Variants in CHST3 observed in about 807,000 individuals in gnomAD.
CHST3 encodes carbohydrate sulfotransferase 3.
Under a neutral mutation model 35.4 loss-of-function variants are expected in CHST3, and 20 were observed. The ratio of observed to expected loss-of-function variants is 0.57; its 90% CI spans 0.40 to 0.82. The LOEUF (loss-of-function observed/expected upper bound fraction) is 0.82, where lower values mean the gene tolerates loss of function less well. Ranked by LOEUF, CHST3 falls within the 40% of genes least tolerant of loss-of-function variation. The pLI, the probability that CHST3 is intolerant of heterozygous loss-of-function variation, is 0.00. For missense variants in CHST3, 693 were observed against 670.1 expected (o/e 1.03, Z -0.38); for synonymous variants, 334 against 295.9 (o/e 1.13, Z -1.32).
At chr10:71,964,717 G>T (rs1234692887) in intron 1 of CHST3, 23 bp downstream of exon 1, 2 of 152,082 alleles carry the variant, frequency 1.3e-5, no homozygotes, top group African/African-American at 4.8e-5. Context: ...CCGGCGTCCT[G>T]GAACCGCCGC....
At chr10:71,978,297 C>T (rs1288829490) in intron 1 of CHST3, among the ~76,000 whole-genome samples, 3 of 148,612 alleles carry the variant, frequency 2.0e-5, no homozygotes, top group Non-Finnish European at 4.5e-5. Flanking sequence ...ACCAGGGAGA[C>T]GGAGGTTGCG....
At chr10:71,969,160 C>T (rs1466516737) in intron 1 of CHST3, among the ~76,000 whole-genome samples, 3 of 152,150 alleles carry the variant, frequency 2.0e-5, no homozygotes, top group Non-Finnish European at 4.4e-5. Flanking sequence ...TGGGGCAGAG[C>T]CGGAGCAGCC....
At chr10:71,978,446 G>A (rs1056789088) in intron 1 of CHST3, among the ~76,000 whole-genome samples, 7 of 151,314 alleles carry the variant, frequency 4.6e-5, no homozygotes, top group African/African-American at 7.3e-5. Context: ...TCCTAACCCC[G>A]TGCTGCCAGG....
At chr10:71,982,337 C>T (rs933850730) in intron 1 of CHST3, among the ~76,000 whole-genome samples, 2 of 152,202 alleles carry the variant, frequency 1.3e-5, no homozygotes, top group Non-Finnish European at 2.9e-5. Flanking sequence ...CAGATAGCCT[C>T]CAGAAGCTGG....
At position 72,012,686 on chromosome 10, in the gene CHST3, C is replaced by T. The variant is rs1013619613; in HGVS notation, c.*4215C>T. ...CACAAGCCAAGTGTGTCTTATTGAT[C>T]TGTACAAGCTGATAGAAGGACCATC... On this transcript the variant is annotated 3_prime_UTR_variant, in exon 3 of 3. Transcript: ENST00000373115. 2.0e-5 allele frequency: 3 copies of T among 152,210 alleles called. No homozygotes were observed. The highest frequency in any genetic ancestry group is 2.0e-4 in the Admixed American group (3 of 15,274). The allele number at this position is 152,210 out of a possible 1,614,324, so 9.4% of individuals were successfully genotyped here. A position where few individuals can be genotyped will look rare whatever the true frequency, so the allele number is the denominator to read the frequency against.
intron 1 of CHST3, among the ~76,000 whole-genome samples, chr10:71,993,423 C>T (rs938109700): frequency 6.6e-6 from 1 of 152,160 alleles, no homozygotes; most frequent in African/African-American, 2.4e-5. Context: ...AGTCTTAAAC[C>T]CCTCAAAATC....
At chr10:71,987,714 C>CAAAAAAAAA (rs386371790) in intron 1 of CHST3, among the ~76,000 whole-genome samples, 2 of 88,902 alleles carry the variant, frequency 2.2e-5, no homozygotes, top group South Asian at 4.7e-4. Flanking sequence ...GAGACTGTCT[C>CAAAAAAAAA]AAAAAAAAAA....
chr10:71,996,244 A>G (rs1012589890), intron 1 of CHST3, among the ~76,000 whole-genome samples: 3 of 152,186 alleles, frequency 2.0e-5, no homozygotes, highest in South Asian at 4.1e-4. Flanking sequence ...TATTTCACCT[A>G]TGAGAAAACT....
intron 1 of CHST3, among the ~76,000 whole-genome samples, chr10:71,993,504 CA>C (rs1480930742): frequency 8.5e-5 from 13 of 152,210 alleles, no homozygotes; most frequent in Non-Finnish European, 1.2e-4. Context: ...CCACTTCTTC[CA>C]CATTCCTATT....
chr10:71,975,137 A>G (rs1839733031), intron 1 of CHST3, among the ~76,000 whole-genome samples: 2 of 152,234 alleles, frequency 1.3e-5, no homozygotes, highest in South Asian at 4.1e-4. Flanking sequence ...GAGGAGATTC[A>G]GACTGACGGG....
chr10:71,972,222 T>C (rs1839702315), intron 1 of CHST3, among the ~76,000 whole-genome samples: 1 of 152,174 alleles, frequency 6.6e-6, no homozygotes, highest in African/African-American at 2.4e-5. Context: ...AAGCCGGGCC[T>C]GAGCCCCACA....
chr10:71,967,910 C>T (rs181780071), intron 1 of CHST3, among the ~76,000 whole-genome samples: 2 of 152,066 alleles, frequency 1.3e-5, no homozygotes, highest in African/African-American at 4.8e-5. Flanking sequence ...CAACTTCCAC[C>T]TCCCAGGTTC....
chr10:71,998,329 C>G (rs1839960938), intron 1 of CHST3, among the ~76,000 whole-genome samples: 1 of 152,216 alleles, frequency 6.6e-6, no homozygotes, highest in Non-Finnish European at 1.5e-5. Flanking sequence ...GGGCCACGTC[C>G]TTGGGCATGA....
intron 1 of CHST3, among the ~76,000 whole-genome samples, chr10:71,989,863 TTA>T (rs1839881370): frequency 6.6e-6 from 1 of 152,222 alleles, no homozygotes; most frequent in Admixed American, 6.5e-5. Context: ...GCCCTTGCTT[TTA>T]TCACTCATGT....
Position 72,006,100 on chromosome 10 carries a change from C to T in CHST3, c.140+118C>T, listed in dbSNP as rs1840036493. 13 of 1,303,026 alleles carry T rather than the reference C, an allele frequency of 1.0e-5. No individual in the cohort carries two copies. The South Asian group carries it at 1.4e-4, about 14-fold the overall frequency. 80.7% of individuals were successfully genotyped at this position (1,303,026 alleles called of 1,614,324 possible). A position where few individuals can be genotyped will look rare whatever the true frequency, so the allele number is the denominator to read the frequency against. ...ATGCATTCCTTCAACGAGCCATCCC[C>T]AGGCCCCTTCTATGTCCCAGGCAGT... is the stretch of plus-strand genomic sequence containing the variant. On this transcript the variant is annotated intron_variant, in intron 2 of 2. Transcript: ENST00000373115.
chr10:71,980,722 G>A (rs562546205), intron 1 of CHST3, among the ~76,000 whole-genome samples: 2 of 152,328 alleles, frequency 1.3e-5, no homozygotes, highest in African/African-American at 4.8e-5. Context: ...CTCCTGGGGT[G>A]TTTTTAAGGC....
intron 1 of CHST3, among the ~76,000 whole-genome samples, chr10:71,976,533 C>A (rs946004441): frequency 1.3e-4 from 20 of 152,320 alleles, no homozygotes; most frequent in Admixed American, 1.0e-3. Flanking sequence ...TCTCATCAGG[C>A]TTCAGGGGTG....
Position 72,002,696 on chromosome 10 carries a change from C to T in CHST3, c.-107-3040C>T, listed in dbSNP as rs114380829. On this transcript the variant is annotated intron_variant, in intron 1 of 2. Coordinates refer to ENST00000373115, the MANE Select transcript of CHST3 (RefSeq NM_004273.5). ...AGAGGACAGAAAGTCAGGATTTCAA[C>T]ACCTCGTACTCTGAAAACTCAGTGG... 8.0e-3 allele frequency among the ~76,000 whole-genome samples: 1,214 copies of T among 152,304 alleles called. 21 individuals are homozygous for T. The highest frequency in any genetic ancestry group is 0.028 in the African/African-American group (1,161 of 41,546).
At chr10:72,006,727 G>A (rs371472170) in intron 2 of CHST3, among the ~76,000 whole-genome samples, 4 of 152,298 alleles carry the variant, frequency 2.6e-5, no homozygotes, top group African/African-American at 9.6e-5. Flanking sequence ...CAGGGATTGG[G>A]CAATATAGTG....
Sources: allele counts gnomAD v4.1 joint callset (sites outside exome capture counted in the v4.1 genomes callset), GRCh38; gene constraint gnomAD v4.1.1; transcripts MANE v1.5; gene names NCBI Gene and HGNC (gene_info 2026-07-23, HGNC 2026-07-21).